Variants in GALNT7 observed in about 807,000 individuals in gnomAD.
GALNT7 encodes N-acetylgalactosaminyltransferase 7.
A neutral mutation model predicts 82.1 loss-of-function variants in GALNT7; 60 were observed. That is an observed-to-expected ratio of 0.73 (90% CI 0.59 to 0.91). GALNT7 has a LOEUF of 0.91. Among genes scored for constraint, GALNT7 ranks in the 40% least tolerant of loss-of-function variants. The probability of loss-of-function intolerance (pLI) is 0.00; values close to 1 mark genes in which losing one functional copy is unlikely to be tolerated. For missense variants in GALNT7, 660 were observed against 804.2 expected (o/e 0.82, Z 2.17); for synonymous variants, 243 against 275.1 (o/e 0.88, Z 1.15).
intron 2 of GALNT7, among the ~76,000 whole-genome samples, chr4:173,266,874 T>C (rs1378708263): frequency 1.1e-5 from 1 of 90,268 alleles, no homozygotes; most frequent in Non-Finnish European, 2.4e-5. Context: ...GAAGGGTGTG[T>C]GTGTGTGTGT....
At chr4:173,183,524 C>G (rs1561144475) in intron 1 of GALNT7, among the ~76,000 whole-genome samples, 2 of 151,808 alleles carry the variant, frequency 1.3e-5, no homozygotes, top group Non-Finnish European at 2.9e-5. Context: ...TAGTACAGAA[C>G]AAAATGGAGT....
In GALNT7 at chr4:173,292,411, T is replaced by C; in HGVS notation, c.754+137T>C. On this transcript the variant is annotated intron_variant, in intron 3 of 11. Coordinates refer to ENST00000265000, the MANE Select transcript of GALNT7 (RefSeq NM_017423.3). This position sits in a 1 kb window ranked among gnomAD's most constrained non-coding sequence, Gnocchi z 4.8. Reference sequence around the variant, plus strand: ...GCATCTGTTATCAACAAGTTGACACTGTGCCAAGCATTGTATGTGAGTTAT... The same window carrying C: ...GCATCTGTTATCAACAAGTTGACACCGTGCCAAGCATTGTATGTGAGTTAT... 1.7e-6 allele frequency: 1 copy of C among 584,222 alleles called. No homozygotes were observed. Among genetic ancestry groups the C allele is most frequent in the East Asian group, 3.0e-5 (1 of 33,796 alleles). 36.2% of individuals were successfully genotyped at this position (584,222 alleles called of 1,614,324 possible). A position where few individuals can be genotyped will look rare whatever the true frequency, so the allele number is the denominator to read the frequency against.
At chr4:173,215,053 T>C (rs1167764480) in intron 1 of GALNT7, among the ~76,000 whole-genome samples, 1 of 152,140 alleles carries the variant, frequency 6.6e-6, no homozygotes, top group Admixed American at 6.5e-5. Flanking sequence ...CTTTCTTCCC[T>C]ACCAGAATCT....
intron 1 of GALNT7, among the ~76,000 whole-genome samples, chr4:173,226,536 C>A (rs757809396): frequency 8.5e-5 from 13 of 152,256 alleles, no homozygotes; most frequent in Admixed American, 2.0e-4. Context: ...AATTTCAACC[C>A]CTTCTTTGTT....
Position 173,264,026 on chromosome 4 carries a change from A to G in GALNT7, c.587+15586A>G, listed in dbSNP as rs917567928. Among the ~76,000 whole-genome samples, 3 of 152,312 alleles carry G rather than the reference A, an allele frequency of 2.0e-5. No individual in the cohort carries two copies. The South Asian group carries it at 6.2e-4, about 32-fold the overall frequency. Reference sequence around the variant, plus strand: ...TAGCAAGTTACTTTTATCAATAAGTAGTGATATACATAGACAAAATAATTG... The same window carrying G: ...TAGCAAGTTACTTTTATCAATAAGTGGTGATATACATAGACAAAATAATTG... On this transcript the variant is annotated intron_variant, in intron 2 of 11. Coordinates refer to ENST00000265000, the MANE Select transcript of GALNT7 (RefSeq NM_017423.3).
chr4:173,278,287 T>C (rs1322256188), intron 2 of GALNT7, among the ~76,000 whole-genome samples: 6 of 152,198 alleles, frequency 3.9e-5, no homozygotes, highest in Non-Finnish European at 8.8e-5. Flanking sequence ...TTGAGTAAAG[T>C]GTTCAGATCC....
chr4:173,207,635 T>A (rs568031664), intron 1 of GALNT7, among the ~76,000 whole-genome samples: 1 of 152,346 alleles, frequency 6.6e-6, no homozygotes, highest in African/African-American at 2.4e-5. Flanking sequence ...TTCTTAAATA[T>A]TGTACTTTTC....
At chr4:173,306,193 G>A (rs940434159) in intron 8 of GALNT7, among the ~76,000 whole-genome samples, 3 of 152,064 alleles carry the variant, frequency 2.0e-5, no homozygotes, top group Non-Finnish European at 4.4e-5. Flanking sequence ...ACCACCGTTA[G>A]CATATAGAAA....
chr4:173,210,325 C>T (rs527948869), intron 1 of GALNT7, among the ~76,000 whole-genome samples: 10 of 152,008 alleles, frequency 6.6e-5, no homozygotes, highest in Admixed American at 2.6e-4. Flanking sequence ...TTTCATCCGT[C>T]GGAAATTTAC....
At chr4:173,198,360 G>A (rs574198782) in intron 1 of GALNT7, among the ~76,000 whole-genome samples, 7 of 152,044 alleles carry the variant, frequency 4.6e-5, no homozygotes, top group Admixed American at 2.0e-4. Context: ...GAGCCACCGC[G>A]CCCGGCCTGG....
At chr4:173,206,455 T>C (rs1271915070) in intron 1 of GALNT7, among the ~76,000 whole-genome samples, 1 of 152,212 alleles carries the variant, frequency 6.6e-6, no homozygotes, top group African/African-American at 2.4e-5. Flanking sequence ...TATTCCTCCA[T>C]TTCTTTATAT....
chr4:173,173,681 C>A (rs1310521616), intron 1 of GALNT7, among the ~76,000 whole-genome samples: 1 of 152,148 alleles, frequency 6.6e-6, no homozygotes, highest in African/African-American at 2.4e-5. Flanking sequence ...GGGTTGGGGA[C>A]CCCTGCATTA....
At chr4:173,183,758 CG>C (rs1732358637) in intron 1 of GALNT7, among the ~76,000 whole-genome samples, 2 of 146,424 alleles carry the variant, frequency 1.4e-5, no homozygotes, top group South Asian at 2.2e-4. Context: ...ACCTCCCGGA[CG>C]GGGCGGCTGG....
chr4:173,224,581 A>G (rs1733743447), intron 1 of GALNT7, among the ~76,000 whole-genome samples: 1 of 152,222 alleles, frequency 6.6e-6, no homozygotes, highest in Non-Finnish European at 1.5e-5. Context: ...TTTAAAAATT[A>G]TATTTGTATA....
In GALNT7 at chr4:173,283,019, T is replaced by C. The variant is rs894377894; in HGVS notation, c.588-9089T>C. On this transcript the variant is annotated intron_variant, in intron 2 of 11. Transcript: ENST00000265000. Reference sequence around the variant, plus strand: ...CAGATTTTGACATTACCCATCCCTTTCTGTCTCTCTGAGCTGCAGCCAGAG... The same window carrying C: ...CAGATTTTGACATTACCCATCCCTTCCTGTCTCTCTGAGCTGCAGCCAGAG... 1.1e-4 allele frequency among the ~76,000 whole-genome samples: 16 copies of C among 152,346 alleles called. No individual in the cohort carries two copies. The East Asian group carries it at 3.1e-3, about 29-fold the overall frequency.
At chr4:173,210,221 A>G (rs1443245735) in intron 1 of GALNT7, among the ~76,000 whole-genome samples, 1 of 152,236 alleles carries the variant, frequency 6.6e-6, no homozygotes, top group African/African-American at 2.4e-5. Flanking sequence ...TCCAGCCAGA[A>G]GAATGAGTAC....
chr4:173,178,079 C>G (rs1218038064), intron 1 of GALNT7, among the ~76,000 whole-genome samples: 1 of 141,356 alleles, frequency 7.1e-6, no homozygotes, highest in African/African-American at 2.8e-5. Context: ...GCACAGACAC[C>G]TATGTATATA....
At chr4:173,285,766 T>C (rs1399562943) in intron 2 of GALNT7, among the ~76,000 whole-genome samples, 2 of 151,866 alleles carry the variant, frequency 1.3e-5, no homozygotes, top group South Asian at 4.2e-4. Context: ...CGAACAGGGG[T>C]ATGAATATAG....
chr4:173,200,684 G>A (rs1197517070), intron 1 of GALNT7, among the ~76,000 whole-genome samples: 1 of 152,192 alleles, frequency 6.6e-6, no homozygotes. Flanking sequence ...GGAGTGGGAG[G>A]TGAATGTGTC....
Sources: gnomAD v4.1 joint callset for allele counts (sites outside exome capture counted in the v4.1 genomes callset) on GRCh38, gnomAD v4.1.1 for gene constraint, Gnocchi (gnomAD v3.1) non-coding constraint, MANE v1.5 for transcripts, NCBI Gene and HGNC (gene_info 2026-07-23, HGNC 2026-07-21) for gene names.